The following CERS3 variants were observed in gnomAD, a reference collection of about 807,000 sequenced individuals.
CERS3 encodes ceramide synthase 3.
CERS3 carries 33 observed loss-of-function variants against 50.3 expected under a neutral mutation model. The ratio of observed to expected loss-of-function variants is 0.66; its 90% CI spans 0.50 to 0.88. CERS3 has a LOEUF of 0.88. Among genes scored for constraint, CERS3 ranks in the 40% least tolerant of loss-of-function variants. The pLI is 0.00. For missense variants in CERS3, 470 were observed against 460.3 expected, an observed-to-expected ratio of 1.02 and a Z score of -0.19; for synonymous variants, 176 against 155.2, an observed-to-expected ratio of 1.13 and a Z score of -0.99.
intron 5 of CERS3, among the ~76,000 whole-genome samples, chr15:100,483,787 A>ATTATTTTTTTTTTTTT (rs760594142): frequency 4.0e-5 from 4 of 100,038 alleles, no homozygotes; most frequent in Admixed American, 1.2e-4. Context: ...TATTATTATT[A>ATTATTTTTTTTTTTTT]TTTTTTTTTT....
chr15:100,472,190 G>A (rs2034989789), intron 9 of CERS3, among the ~76,000 whole-genome samples: 1 of 152,164 alleles, frequency 6.6e-6, no homozygotes, highest in Admixed American at 6.5e-5. Flanking sequence ...TTATAAATGA[G>A]TATATTTAAA....
intron 11 of CERS3, among the ~76,000 whole-genome samples, chr15:100,449,846 C>T (rs144566153): frequency 2.4e-4 from 37 of 152,156 alleles, no homozygotes; most frequent in African/African-American, 7.9e-4. Flanking sequence ...GCAAGGAAAT[C>T]TAATACCTTC....
chr15:100,404,128 C>T (rs2030788726), intron 11 of CERS3, among the ~76,000 whole-genome samples: 1 of 152,186 alleles, frequency 6.6e-6, no homozygotes, highest in Admixed American at 6.5e-5. Context: ...CTAGAAGCAG[C>T]AAAGAACAGA....
intron 2 of CERS3, among the ~76,000 whole-genome samples, chr15:100,505,316 A>G (rs928953027): frequency 1.3e-5 from 2 of 152,214 alleles, no homozygotes; most frequent in African/African-American, 4.8e-5. Context: ...ATAGTTTATC[A>G]TGGTTATGTA....
intron 2 of CERS3, among the ~76,000 whole-genome samples, chr15:100,518,189 C>T (rs902559299): frequency 4.6e-5 from 7 of 151,886 alleles, no homozygotes; most frequent in Non-Finnish European, 7.4e-5. Context: ...TGTAAAACAC[C>T]CCGATTTTAA....
rs765720613 is a variant in CERS3 at position 100,473,071 on chromosome 15, T to G, written c.610-19A>C. 36 of 1,606,884 alleles carry G rather than the reference T, an allele frequency of 2.2e-5. No homozygotes were observed. The highest frequency in any genetic ancestry group is 1.5e-4 in the Admixed American group (9 of 59,290). On this transcript the variant is annotated intron_variant, in intron 8 of 11. Coordinates refer to ENST00000679737, the MANE Select transcript of CERS3 (RefSeq NM_001378789.1). ...GAAAATCCTGTAAGATGAGGGAAAA[T>G]GGAAGCCATTAAGGAAATGCATTTA...
At chr15:100,540,452 G>C (rs1272393485) in intron 1 of CERS3, among the ~76,000 whole-genome samples, 1 of 152,192 alleles carries the variant, frequency 6.6e-6, no homozygotes, top group Non-Finnish European at 1.5e-5. Flanking sequence ...GCTGAGGAAG[G>C]AGAATTGCTT....
chr15:100,518,631 TCTGC>T, intron 2 of CERS3, among the ~76,000 whole-genome samples: 1 of 152,334 alleles, frequency 6.6e-6, no homozygotes, highest in East Asian at 1.9e-4. Flanking sequence ...ACGTCATCTC[TCTGC>T]CTATTAGTGA....
At chr15:100,473,104 A>G in intron 8 of CERS3, 52 bp from the exon 9 acceptor site, 1 of 1,555,074 alleles carries the variant, frequency 6.4e-7, no homozygotes, top group Non-Finnish European at 8.7e-7. Context: ...TTATTTCCCA[A>G]TCACTGGAAG....
At chr15:100,479,329 G>T in intron 7 of CERS3, 99 bp downstream of exon 7, 1 of 876,660 alleles carries the variant, frequency 1.1e-6, no homozygotes, top group Non-Finnish European at 1.8e-6. Context: ...TGACACAGTA[G>T]TGAACAAAGA....
At chr15:100,441,717 C>G (rs2033688264) in intron 11 of CERS3, among the ~76,000 whole-genome samples, 1 of 152,144 alleles carries the variant, frequency 6.6e-6, no homozygotes, top group Non-Finnish European at 1.5e-5. Context: ...ATTTTTCCAT[C>G]CTACAAAATC....
At chr15:100,502,813 TA>T (rs1474919529) in intron 2 of CERS3, among the ~76,000 whole-genome samples, 1 of 151,892 alleles carries the variant, frequency 6.6e-6, no homozygotes, top group Non-Finnish European at 1.5e-5. Flanking sequence ...TTAGGTATGC[TA>T]AAAAACGTAT....
chr15:100,440,938 G>A (rs746041835), intron 11 of CERS3, among the ~76,000 whole-genome samples: 17 of 152,162 alleles, frequency 1.1e-4, no homozygotes, highest in South Asian at 2.1e-4. Context: ...CACTGGTCAC[G>A]GACTAGGGAA....
chr15:100,402,560 TAAC>T lies in CERS3; in HGVS notation c.*150_*152del, dbSNP rs2030626929. 1 of 690,850 alleles carries T rather than the reference TAAC, an allele frequency of 1.4e-6. No homozygotes were observed. The highest frequency in any genetic ancestry group is 2.0e-5 in the South Asian group (1 of 50,604). 42.8% of individuals were successfully genotyped at this position (690,850 alleles called of 1,614,324 possible). A position where few individuals can be genotyped will look rare whatever the true frequency, so the allele number is the denominator to read the frequency against. On this transcript the variant is annotated 3_prime_UTR_variant, in exon 12 of 12. Coordinates refer to ENST00000679737, the MANE Select transcript of CERS3 (RefSeq NM_001378789.1). Reference sequence around the variant, plus strand: ...TTATATTTAACATTTTAACACAAGTTAACAACATTTTGGTAAACACATCTTAGG... The same window carrying T: ...TTATATTTAACATTTTAACACAAGTTAACATTTTGGTAAACACATCTTAGG...
rs568387724 is a variant in CERS3, at chr15:100,503,482, G to A, written c.-1-1632C>T. The stretch of plus-strand genomic sequence containing the variant: ...TCCATGCTAAGGAGTTTGGCATTTA[G>A]CTGATAGGACCCACTGAAGGGTATT... On this transcript the variant is annotated intron_variant, in intron 2 of 11. Transcript: ENST00000679737. Among the ~76,000 whole-genome samples, 4 of 152,314 alleles carry A rather than the reference G, an allele frequency of 2.6e-5. No homozygotes were observed. In the East Asian group the frequency reaches 7.7e-4, roughly 29 times the overall value.
chr15:100,509,591 G>A (rs1015046388), intron 2 of CERS3, among the ~76,000 whole-genome samples: 3 of 152,296 alleles, frequency 2.0e-5, no homozygotes, highest in South Asian at 2.1e-4. Flanking sequence ...GCAAGGATGC[G>A]CTTGAGTTCA....
chr15:100,518,212 TGACAGA>T (rs1432625445), intron 2 of CERS3, among the ~76,000 whole-genome samples: 2 of 151,514 alleles, frequency 1.3e-5, no homozygotes, highest in East Asian at 3.9e-4. Flanking sequence ...AGATAGGGGG[TGACAGA>T]GACAGAGAGA....
rs1466930 is a variant in CERS3 at position 100,470,505 on chromosome 15, C to T, written c.739-1021G>A. ...GGTGGGAGACGGGTGTGGAGAGAAA[C>T]GCCCAAATTCAGAGTGACTGTAGTG... On this transcript the variant is annotated intron_variant, in intron 9 of 11. Transcript: ENST00000679737. 4.0e-4 allele frequency among the ~76,000 whole-genome samples: 60 copies of T among 151,732 alleles called. No individual in the cohort carries two copies. The East Asian group carries it at 8.8e-3, about 22-fold the overall frequency.
chr15:100,482,423 C>A (rs1000153963), intron 5 of CERS3, among the ~76,000 whole-genome samples: 1 of 151,960 alleles, frequency 6.6e-6, no homozygotes, highest in South Asian at 2.1e-4. Context: ...TAGAGTGGGC[C>A]GTGGACTGCA....
Sources: allele counts gnomAD v4.1 joint callset (sites outside exome capture counted in the v4.1 genomes callset), GRCh38; gene constraint gnomAD v4.1.1; transcripts MANE v1.5; gene names NCBI Gene and HGNC (gene_info 2026-07-23, HGNC 2026-07-21).